C13orf46: variants seen among roughly 807,000 people sequenced by gnomAD.
C13orf46 encodes uncharacterized protein C13orf46.
At chr13:113,964,430 T>C (rs2052617622) in intron 6 of C13orf46, among the ~76,000 whole-genome samples, 1 of 152,166 alleles carries the variant, frequency 6.6e-6, no homozygotes. Flanking sequence ...GATCATCTCT[T>C]CGGAGGCTGC....
downstream of C13orf46, among the ~76,000 whole-genome samples, chr13:113,949,868 G>A (rs1165199021): frequency 6.6e-6 from 1 of 150,872 alleles, no homozygotes; most frequent in African/African-American, 2.4e-5. Context: ...CTTGCTTGAG[G>A]GACCTCAGTG....
downstream of C13orf46, among the ~76,000 whole-genome samples, chr13:113,950,902 C>T (rs891658877): frequency 4.6e-5 from 7 of 152,248 alleles, no homozygotes; most frequent in African/African-American, 1.7e-4. Context: ...GCAGAGCCAC[C>T]CTTCCCCGGG....
Position 113,955,922 on chromosome 13 carries a change from T to C in C13orf46, c.*851A>G, listed in dbSNP as rs2052526559. The C allele has an allele frequency of 7.4e-6, 1 of 134,486 alleles. No homozygotes were observed. The highest frequency in any genetic ancestry group is 1.5e-5 in the Non-Finnish European group (1 of 66,096). 8.3% of individuals were successfully genotyped at this position (134,486 alleles called of 1,614,324 possible). Reference sequence around the variant, plus strand: ...GAGCATCTCGCAGAGAGGAGGAGCATCTCGCGGAGACGAGGAGCATCTGGC... The same window carrying C: ...GAGCATCTCGCAGAGAGGAGGAGCACCTCGCGGAGACGAGGAGCATCTGGC... On this transcript the variant is annotated 3_prime_UTR_variant, in exon 7 of 7. Coordinates refer to ENST00000636427, the MANE Select transcript of C13orf46 (RefSeq NM_001365455.2).
At chr13:113,932,352 C>T in the C13orf46 span, among the ~76,000 whole-genome samples, 6 of 152,348 alleles carry the variant, frequency 3.9e-5, no homozygotes, top group East Asian at 1.9e-4. Context: ...CAACATGCTG[C>T]GCGCTCCAGT....
At chr13:113,959,855 G>A (rs938133527) in intron 6 of C13orf46, among the ~76,000 whole-genome samples, 3 of 152,194 alleles carry the variant, frequency 2.0e-5, no homozygotes, top group Non-Finnish European at 4.4e-5. Context: ...TGTCAGAATG[G>A]TCTGTAAAAG....
chr13:113,942,787 C>T, the C13orf46 span, among the ~76,000 whole-genome samples: 1 of 152,182 alleles, frequency 6.6e-6, no homozygotes, highest in Admixed American at 6.5e-5. Flanking sequence ...GATCGGTCAG[C>T]CAGTTACTGT....
At chr13:113,943,321 T>A in the C13orf46 span, among the ~76,000 whole-genome samples, 1 of 152,170 alleles carries the variant, frequency 6.6e-6, no homozygotes, top group Non-Finnish European at 1.5e-5. Flanking sequence ...TTAAGAAATA[T>A]GCTGGTTCGG....
chr13:113,958,058 G>A (rs1485513707), intron 6 of C13orf46, among the ~76,000 whole-genome samples: 16 of 63,290 alleles, frequency 2.5e-4, no homozygotes, highest in Non-Finnish European at 4.5e-4. Context: ...CAAGTGCACC[G>A]GGGGGGTCTC....
intron 1 of C13orf46, among the ~76,000 whole-genome samples, chr13:113,972,651 G>A (rs530188598): frequency 6.6e-6 from 1 of 152,170 alleles, no homozygotes; most frequent in Non-Finnish European, 1.5e-5. Context: ...AGAGTGGCGA[G>A]TGTGGACCGA....
chr13:113,945,660 G>GAAAGAAAGAA, the C13orf46 span, among the ~76,000 whole-genome samples: 1 of 137,256 alleles, frequency 7.3e-6, no homozygotes, highest in Non-Finnish European at 1.6e-5. Context: ...AAGAAAGAAA[G>GAAAGAAAGAA]AAAGAAAGAA....
At chr13:113,958,601 T>C (rs976863644) in intron 6 of C13orf46, among the ~76,000 whole-genome samples, 1 of 152,250 alleles carries the variant, frequency 6.6e-6, no homozygotes, top group African/African-American at 2.4e-5. Context: ...CCCCGCCGCC[T>C]GTCCAGGAAC....
chr13:113,939,540 G>A, the C13orf46 span, among the ~76,000 whole-genome samples: 1 of 152,182 alleles, frequency 6.6e-6, no homozygotes, highest in Non-Finnish European at 1.5e-5. Flanking sequence ...TGGGGACCAC[G>A]TGGATGGGGA....
chr13:113,947,683 C>T, the C13orf46 span, among the ~76,000 whole-genome samples: 1 of 152,208 alleles, frequency 6.6e-6, no homozygotes, highest in African/African-American at 2.4e-5. Flanking sequence ...CCATTTCCAC[C>T]TCCCGAGATT....
the C13orf46 span, chr13:113,927,804 G>T: frequency 2.5e-6 from 1 of 392,800 alleles, no homozygotes; most frequent in South Asian, 1.4e-4. Context: ...AGCCAGGGTC[G>T]CTCTGTGGAC....
chr13:113,931,671 C>T, the C13orf46 span, among the ~76,000 whole-genome samples: 1 of 152,162 alleles, frequency 6.6e-6, no homozygotes, highest in Non-Finnish European at 1.5e-5. Context: ...TTAAATACAC[C>T]AAAAGTGAGA....
the C13orf46 span, chr13:113,926,538 A>G: frequency 6.6e-6 from 1 of 152,268 alleles, no homozygotes; most frequent in Admixed American, 6.5e-5. Flanking sequence ...GATTCCTTTT[A>G]TATGAAATAT....
At chr13:113,939,623 G>C in the C13orf46 span, among the ~76,000 whole-genome samples, 1 of 152,182 alleles carries the variant, frequency 6.6e-6, no homozygotes, top group African/African-American at 2.4e-5. Context: ...TGGGCTGAAG[G>C]GGGACCTGCT....
chr13:113,945,656 GAAA>G, the C13orf46 span, among the ~76,000 whole-genome samples: 23 of 137,808 alleles, frequency 1.7e-4, no homozygotes, highest in African/African-American at 4.0e-4. Flanking sequence ...AAGAAAGAAA[GAAA>G]GAAAGAAAGA....
Position 113,968,480 on chromosome 13 carries a change from A to C in C13orf46, c.443T>G (p.Leu148Arg), listed in dbSNP as rs2052671840. 1 of 152,252 alleles carries C rather than the reference A, an allele frequency of 6.6e-6. No homozygotes were observed. Among genetic ancestry groups the C allele is most frequent in the South Asian group, 2.1e-4 (1 of 4,832 alleles). 9.4% of individuals were successfully genotyped at this position (152,252 alleles called of 1,614,324 possible). ...AAAAGCTCTTACCTCTTCTTCCTGA[A>C]GGTCATTTAGCTTTATGGACTCTGC... is the stretch of plus-strand genomic sequence containing the variant. ...QEAESIKLND[L>R]QEEEKASVFV... Residue 148 changes from leucine to arginine, a missense_variant, in exon 4 of 7, where the codon CTT becomes CGT. By Grantham distance (102) the Leu-to-Arg change is moderately radical. Transcript: ENST00000636427.
Sources: gnomAD v4.1 joint callset for allele counts (sites outside exome capture counted in the v4.1 genomes callset) on GRCh38, gnomAD v4.1.1 for gene constraint, MANE v1.5 for transcripts, NCBI Gene and HGNC (gene_info 2026-07-23, HGNC 2026-07-21) for gene names.